Variants in COG5 observed in about 807,000 individuals in gnomAD.
COG5 encodes conserved oligomeric Golgi complex subunit 5.
In COG5, 86 loss-of-function variants were observed where a neutral mutation model predicts 110.4. That is an observed-to-expected ratio of 0.78 (90% CI 0.65 to 0.93). COG5 has a LOEUF of 0.93. COG5 is among the 40% of genes least tolerant of loss of function. The probability of loss-of-function intolerance (pLI) is 0.00; values close to 1 mark genes in which losing one functional copy is unlikely to be tolerated. For synonymous variants in COG5, 360 were observed against 334.6 expected, an observed-to-expected ratio of 1.08 and a Z score of -0.83; for missense variants, 1,077 against 987.0, an observed-to-expected ratio of 1.09 and a Z score of -1.22.
At chr7:107,284,558 A>G (rs1805471596) in intron 12 of COG5, among the ~76,000 whole-genome samples, 1 of 152,198 alleles carries the variant, frequency 6.6e-6, no homozygotes, top group Admixed American at 6.5e-5. Context: ...AGACAAAATA[A>G]AAAGTATTTA....
At chr7:107,552,212 G>A (rs1802950810) in intron 3 of COG5, among the ~76,000 whole-genome samples, 1 of 152,068 alleles carries the variant, frequency 6.6e-6, no homozygotes, top group Admixed American at 6.6e-5. Context: ...TAAAAAACTA[G>A]CATGTTTTCA....
At chr7:107,505,097 G>A (rs989966373) in intron 6 of COG5, among the ~76,000 whole-genome samples, 1 of 152,066 alleles carries the variant, frequency 6.6e-6, no homozygotes, top group African/African-American at 2.4e-5. Flanking sequence ...AAATGGTAGA[G>A]GTCTCTTGAC....
chr7:107,548,904 TAC>T (rs1802668643), intron 3 of COG5, among the ~76,000 whole-genome samples: 1 of 152,236 alleles, frequency 6.6e-6, no homozygotes, highest in African/African-American at 2.4e-5. Flanking sequence ...TTTCAATTAG[TAC>T]AGATATTTAA....
intron 19 of COG5, among the ~76,000 whole-genome samples, chr7:107,225,289 A>AT (rs1005546883): frequency 2.6e-5 from 4 of 152,036 alleles, no homozygotes; most frequent in African/African-American, 9.7e-5. Flanking sequence ...GTTTTAGTAC[A>AT]TTTTTTTATT....
intron 10 of COG5, among the ~76,000 whole-genome samples, chr7:107,352,316 G>C (rs1812227616): frequency 1.0e-5 from 1 of 97,026 alleles, no homozygotes; most frequent in Admixed American, 1.4e-4. Flanking sequence ...GGGGGGAGGG[G>C]GGAGGGATAG....
intron 6 of COG5, among the ~76,000 whole-genome samples, chr7:107,486,938 G>A (rs1049589585): frequency 6.6e-6 from 1 of 152,136 alleles, no homozygotes; most frequent in Non-Finnish European, 1.5e-5. Context: ...GTTGTGAGAT[G>A]TGGTTGCTAT....
intron 12 of COG5, among the ~76,000 whole-genome samples, chr7:107,286,732 A>G (rs1805663465): frequency 1.3e-5 from 2 of 151,986 alleles, no homozygotes; most frequent in South Asian, 4.2e-4. Flanking sequence ...CCCTCTTACA[A>G]CTTCATCTAT....
intron 6 of COG5, chr7:107,450,251 C>G (rs1441985134): frequency 6.3e-6 from 1 of 158,000 alleles, no homozygotes; most frequent in Non-Finnish European, 1.4e-5. Flanking sequence ...GGATCTTACA[C>G]TGTGGTTCCT....
intron 6 of COG5, among the ~76,000 whole-genome samples, chr7:107,481,587 T>C (rs1434771754): frequency 6.6e-6 from 1 of 152,078 alleles, no homozygotes; most frequent in African/African-American, 2.4e-5. Flanking sequence ...TGCATATTGA[T>C]TGGGTAAAGA....
intron 6 of COG5, among the ~76,000 whole-genome samples, chr7:107,519,069 A>C (rs867036226): frequency 1.3e-5 from 2 of 152,208 alleles, no homozygotes; most frequent in Non-Finnish European, 2.9e-5. Flanking sequence ...TAACAAAATT[A>C]AAGGAAGAAA....
rs766841896 is a variant in COG5, at chr7:107,362,118, G to C, written c.949-8C>G. On this transcript the variant is annotated splice_polypyrimidine_tract_variant and splice_region_variant and intron_variant, in intron 9 of 21. Coordinates refer to ENST00000297135, the MANE Select transcript of COG5 (RefSeq NM_006348.5). The stretch of plus-strand genomic sequence containing the variant: ...TTTTTGTAGATGTTGTACCTTAAAT[G>C]AAACAAATGTAAAGCTTAGGCAATA... The C allele has an allele frequency of 6.3e-7, 1 of 1,593,434 alleles. No individual in the cohort carries two copies. Among genetic ancestry groups the C allele is most frequent in the South Asian group, 1.1e-5 (1 of 89,528 alleles).
At chr7:107,460,131 G>A (rs956472751) in intron 6 of COG5, among the ~76,000 whole-genome samples, 5 of 152,052 alleles carry the variant, frequency 3.3e-5, no homozygotes, top group East Asian at 3.9e-4. Flanking sequence ...GGCCGAGCAC[G>A]GTGGCTCATG....
chr7:107,241,440 A>ATATT (rs1472414912), intron 17 of COG5, among the ~76,000 whole-genome samples: 5 of 147,144 alleles, frequency 3.4e-5, no homozygotes, highest in Non-Finnish European at 7.5e-5. Context: ...ATATATATAT[A>ATATT]TATTTATTTT....
At chr7:107,539,865 C>T (rs1801849938) in intron 5 of COG5, among the ~76,000 whole-genome samples, 1 of 151,884 alleles carries the variant, frequency 6.6e-6, no homozygotes, top group African/African-American at 2.4e-5. Flanking sequence ...AATAATTGGA[C>T]AATAATTGGA....
intron 3 of COG5, among the ~76,000 whole-genome samples, chr7:107,551,120 G>A (rs953803734): frequency 5.3e-5 from 8 of 152,076 alleles, no homozygotes; most frequent in Admixed American, 4.6e-4. Context: ...TCGGCTCACT[G>A]CAAGCTCCAC....
intron 7 of COG5, 93 bp from the exon 8 acceptor site, chr7:107,372,853 G>T: frequency 8.4e-7 from 1 of 1,194,422 alleles, no homozygotes; most frequent in Non-Finnish European, 1.2e-6. Context: ...GACTTCAGCA[G>T]TCCTATCATA....
chr7:107,264,317 C>T (rs887055186), intron 14 of COG5, among the ~76,000 whole-genome samples: 22 of 152,044 alleles, frequency 1.4e-4, no homozygotes, highest in Non-Finnish European at 1.2e-4. Context: ...CCTCTAGTCA[C>T]GAGATACTAA....
intron 12 of COG5, among the ~76,000 whole-genome samples, chr7:107,296,183 TTCTTTC>T (rs1171571581): frequency 6.6e-6 from 1 of 151,302 alleles, no homozygotes; most frequent in Non-Finnish European, 1.5e-5. Flanking sequence ...CTCTTTTCTT[TTCTTTC>T]TCTTTCTTTC....
At chr7:107,513,375 G>C (rs201548634) in intron 6 of COG5, among the ~76,000 whole-genome samples, 2 of 151,794 alleles carry the variant, frequency 1.3e-5, no homozygotes, top group Middle Eastern at 3.2e-3. Flanking sequence ...TTAGAATGGC[G>C]ATCATTAAAA....
Sources: allele counts gnomAD v4.1 joint callset (sites outside exome capture counted in the v4.1 genomes callset), GRCh38; gene constraint gnomAD v4.1.1; transcripts MANE v1.5; gene names NCBI Gene and HGNC (gene_info 2026-07-23, HGNC 2026-07-21).